CDH13: variants seen among roughly 807,000 people sequenced by gnomAD.
CDH13 encodes cadherin-13.
Under a neutral mutation model 63.8 loss-of-function variants are expected in CDH13, and 24 were observed. The ratio of observed to expected loss-of-function variants is 0.38; its 90% confidence interval spans 0.27 to 0.53. The LOEUF (loss-of-function observed/expected upper bound fraction) is 0.53. Among genes scored for constraint, CDH13 ranks in the 20% least tolerant of loss-of-function variants. CDH13 has a pLI of 0.85. For synonymous variants in CDH13, 503 were observed against 355.3 expected, an observed-to-expected ratio of 1.42 and a Z score of -4.67; for missense variants, 1,049 against 903.1, an observed-to-expected ratio of 1.16 and a Z score of -2.07.
chr16:83,088,387 G>T (rs1002011601), intron 3 of CDH13, among the ~76,000 whole-genome samples: 1 of 152,118 alleles, frequency 6.6e-6, no homozygotes, highest in Admixed American at 6.5e-5. Context: ...TTCTTTGGAC[G>T]CAATTTGCAA....
intron 5 of CDH13, among the ~76,000 whole-genome samples, chr16:83,333,313 T>C (rs2151905288): frequency 6.6e-6 from 1 of 152,178 alleles, no homozygotes; most frequent in East Asian, 1.9e-4. Context: ...GGCTGACAAA[T>C]AGGAATTGAA....
chr16:83,455,288 C>T (rs1054523332), intron 6 of CDH13, among the ~76,000 whole-genome samples: 4 of 152,176 alleles, frequency 2.6e-5, no homozygotes, highest in Non-Finnish European at 5.9e-5. Flanking sequence ...CTAACCCCCT[C>T]TAAACCTGCC....
intron 1 of CDH13, among the ~76,000 whole-genome samples, chr16:82,762,460 A>C (rs2034890427): frequency 1.3e-5 from 2 of 152,204 alleles, no homozygotes; most frequent in Admixed American, 1.3e-4. Flanking sequence ...ATTAATAGAA[A>C]ATGTATGTGA....
intron 10 of CDH13, among the ~76,000 whole-genome samples, chr16:83,697,240 AGTTG>A (rs1905528012): frequency 1.3e-5 from 2 of 152,218 alleles, no homozygotes; most frequent in African/African-American, 4.8e-5. Flanking sequence ...GCACATTCAC[AGTTG>A]AGCTCAAACA....
intron 6 of CDH13, among the ~76,000 whole-genome samples, chr16:83,446,075 G>C (rs956162590): frequency 1.3e-5 from 2 of 152,004 alleles, no homozygotes; most frequent in African/African-American, 4.8e-5. Context: ...GAGGTGGGGG[G>C]GCAGATTACA....
intron 3 of CDH13, among the ~76,000 whole-genome samples, chr16:83,043,704 C>T (rs1157074273): frequency 6.6e-6 from 1 of 151,728 alleles, no homozygotes; most frequent in Non-Finnish European, 1.5e-5. Flanking sequence ...ACTAAAAATA[C>T]AAAAATTAGC....
chr16:83,096,339 A>G (rs1416080845), intron 3 of CDH13, among the ~76,000 whole-genome samples: 1 of 152,214 alleles, frequency 6.6e-6, no homozygotes, highest in East Asian at 1.9e-4. Context: ...ATTATCCCAG[A>G]GAGAAGGCTC....
intron 1 of CDH13, among the ~76,000 whole-genome samples, chr16:82,772,903 T>G (rs907994110): frequency 1.3e-5 from 2 of 152,132 alleles, no homozygotes; most frequent in South Asian, 4.1e-4. Flanking sequence ...GGGGCATAGG[T>G]TGCTTCAGTG....
chr16:83,503,564 G>A (rs2074332006), intron 7 of CDH13, among the ~76,000 whole-genome samples: 1 of 152,080 alleles, frequency 6.6e-6, no homozygotes, highest in East Asian at 1.9e-4. Context: ...TTTTCCTGGG[G>A]TGGAGTGGAG....
At chr16:83,181,558 A>G (rs1369983116) in intron 4 of CDH13, among the ~76,000 whole-genome samples, 5 of 152,196 alleles carry the variant, frequency 3.3e-5, no homozygotes, top group Non-Finnish European at 5.9e-5. Context: ...TAAAATGTAC[A>G]TGAGCTAGAA....
Position 82,874,171 on chromosome 16 carries a change from G to A in CDH13, c.157+15698G>A, listed in dbSNP as rs532181076. 7.9e-5 allele frequency among the ~76,000 whole-genome samples: 12 copies of A among 152,162 alleles called. No homozygotes were observed. The South Asian group carries it at 1.5e-3, about 18-fold the overall frequency. On this transcript the variant is annotated intron_variant, in intron 2 of 13. Coordinates refer to ENST00000567109, the MANE Select transcript of CDH13 (RefSeq NM_001257.5). ...GTTTACCCTCAGTAGGATAAATAAG[G>A]ACCACAAATAACATCATGTCAGTTC...
chr16:83,584,287 C>T (rs886940249), intron 7 of CDH13, among the ~76,000 whole-genome samples: 1 of 152,182 alleles, frequency 6.6e-6, no homozygotes, highest in Non-Finnish European at 1.5e-5. Context: ...TGAGATCGTG[C>T]CACTGCACTC....
intron 4 of CDH13, among the ~76,000 whole-genome samples, chr16:83,191,462 T>TAGATATATATATATATATATATATGCAG (rs768560727): frequency 9.5e-6 from 1 of 105,566 alleles, no homozygotes; most frequent in Non-Finnish European, 1.9e-5. Flanking sequence ...ATAGGAAATA[T>TAGATATATATATATATATATATATGCAG]ATATATATAT....
intron 6 of CDH13, among the ~76,000 whole-genome samples, chr16:83,375,230 T>C (rs1217409022): frequency 2.0e-5 from 3 of 152,168 alleles, no homozygotes; most frequent in Admixed American, 6.5e-5. Flanking sequence ...ACATAGAAGG[T>C]TGGTTAATTA....
At chr16:83,572,175 GGTGTGTGTGT>G (rs71148844) in intron 7 of CDH13, among the ~76,000 whole-genome samples, 119 of 145,604 alleles carry the variant, frequency 8.2e-4, no homozygotes, top group Non-Finnish European at 1.2e-3. Context: ...ACTTTCCTGT[GGTGTGTGTGT>G]GTGTGTGTGT....
At chr16:83,685,032 C>T (rs536757055) in intron 10 of CDH13, among the ~76,000 whole-genome samples, 1 of 152,272 alleles carries the variant, frequency 6.6e-6, no homozygotes, top group South Asian at 2.1e-4. Flanking sequence ...GTTATGGTTG[C>T]TAGTGCTCCA....
At chr16:83,180,870 A>G (rs2038326272) in intron 4 of CDH13, 3 of 1,520,062 alleles carry the variant, frequency 2.0e-6, no homozygotes. Flanking sequence ...TTTCTTACAG[A>G]GAACCCACAA....
At chr16:83,755,387 T>C (rs1014393014) in intron 11 of CDH13, among the ~76,000 whole-genome samples, 4 of 152,104 alleles carry the variant, frequency 2.6e-5, no homozygotes, top group Non-Finnish European at 5.9e-5. Flanking sequence ...AAAAAAAATT[T>C]GAAGATGTAA....
At chr16:83,102,930 C>CTTTTTTTTTTTTTTTTTT (rs71148812) in intron 3 of CDH13, among the ~76,000 whole-genome samples, 6 of 96,930 alleles carry the variant, frequency 6.2e-5, no homozygotes, top group Non-Finnish European at 9.5e-5. Context: ...TTTTCTTTTT[C>CTTTTTTTTTTTTTTTTTT]TTTTTTTTTT....
Sources: gnomAD v4.1 joint callset for allele counts (sites outside exome capture counted in the v4.1 genomes callset) on GRCh38, gnomAD v4.1.1 for gene constraint, MANE v1.5 for transcripts, NCBI Gene and HGNC (gene_info 2026-07-23, HGNC 2026-07-21) for gene names.